DICER1: variants seen among roughly 807,000 people sequenced by gnomAD.
The protein encoded by DICER1 is dicer 1, ribonuclease III, also known as endoribonuclease Dicer.
DICER1 carries 43 observed loss-of-function variants against 194.1 expected under a neutral mutation model. The observed-to-expected ratio is 0.22, with a 90% CI of 0.17 to 0.29. DICER1 has a LOEUF of 0.29. Among genes scored for constraint, DICER1 ranks in the 10% least tolerant of loss-of-function variants. The pLI is 1.00. For missense variants in DICER1, 1,608 were observed against 2,317.0 expected, an observed-to-expected ratio of 0.69 and a Z score of 6.28; for synonymous variants, 832 against 820.5, an observed-to-expected ratio of 1.01 and a Z score of -0.24.
In DICER1 at chr14:95,096,396, T is replaced by G. The variant is rs1595340958; in HGVS notation, c.4524A>C (p.Ala1508=). Residue 1508 remains alanine, a synonymous_variant, in exon 23 of 27, where the codon GCA becomes GCC. Transcript: ENST00000343455. ...FEDFDYSSWD[A]MCYLDPSKAV... is the part of the protein sequence containing the mutation. ...CTTTGCTAGGATCCAGATAGCACAT[T>G]GCATCCCAAGAGCTGTAGTCAAAAT... 6.2e-7 allele frequency: 1 copy of G among 1,614,096 alleles called. No individual in the cohort carries two copies. Among genetic ancestry groups the G allele is most frequent in the Non-Finnish European group, 8.5e-7 (1 of 1,180,036 alleles).
At chr14:95,150,593 T>C (rs1895449054) in intron 1 of DICER1, among the ~76,000 whole-genome samples, 1 of 152,236 alleles carries the variant, frequency 6.6e-6, no homozygotes, top group Admixed American at 6.5e-5. Context: ...GTCACCATTT[T>C]TAACCATCAC....
At chr14:95,141,616 T>C (rs1894834118) in intron 1 of DICER1, 1 of 152,172 alleles carries the variant, frequency 6.6e-6, no homozygotes, top group Admixed American at 6.5e-5. Context: ...CACAAATTTG[T>C]TTTGCTAAGA....
chr14:95,096,755 C>T, intron 22 of DICER1, 42 bp from the exon 23 acceptor site: 1 of 1,555,628 alleles, frequency 6.4e-7, no homozygotes, highest in Non-Finnish European at 8.7e-7. Flanking sequence ...AACATAGCTG[C>T]TGTTTTTAAA....
At chr14:95,134,014 T>C (rs1169858566) in intron 1 of DICER1, among the ~76,000 whole-genome samples, 2 of 152,152 alleles carry the variant, frequency 1.3e-5, no homozygotes, top group Admixed American at 6.5e-5. Flanking sequence ...ATTTTGAACA[T>C]TCTTTGTATA....
intron 14 of DICER1, among the ~76,000 whole-genome samples, chr14:95,109,632 AATGGGTAAC>A (rs1891776482): frequency 6.6e-6 from 1 of 152,256 alleles, no homozygotes; most frequent in Non-Finnish European, 1.5e-5. Flanking sequence ...ATTTTGGGAA[AATGGGTAAC>A]ATTCATGATT....
Position 95,096,033 on chromosome 14 carries a change from T to A in DICER1, c.4887A>T (p.Ser1629=), listed in dbSNP as rs1555367579. 2 of 1,614,234 alleles carry A rather than the reference T, an allele frequency of 1.2e-6. No homozygotes were observed. Among genetic ancestry groups the A allele is most frequent in the East Asian group, 4.5e-5 (2 of 44,892 alleles). Residue 1629 remains serine, a synonymous_variant, in exon 23 of 27, where the codon TCA becomes TCT. Coordinates refer to ENST00000343455, the MANE Select transcript of DICER1 (RefSeq NM_177438.3). ...VSCAAASVAS[S]RSSVLKDSEY... is the part of the protein sequence containing the mutation. The stretch of plus-strand genomic sequence containing the variant: ...CCGAGTCTTTCAATACAGAAGAGCG[T>A]GAACTGGCCACAGAAGCAGCAGCAC...
rs1408364307 is a variant in DICER1 at position 95,124,351 on chromosome 14, A to G, written c.1221T>C (p.Asp407=). The change falls in exon 8 of 27, where the codon GAT becomes GAC. Residue 407 remains aspartate (D), a synonymous_variant. Transcript: ENST00000343455. The surrounding 1 kb of genome is among the most constrained non-coding windows in gnomAD (Gnocchi z 4.5). ...CAGAATCACTCCATGACACATAATT[A>G]TCCTGATTTCTATTATTATACCACT... ...SVEWYNNRNQ[D]NYVSWSDSED... The G allele has an allele frequency of 1.2e-6, 2 of 1,614,018 alleles. No individual in the cohort carries two copies. The highest frequency in any genetic ancestry group is 2.2e-5 in the East Asian group (1 of 44,880).
At position 95,115,709 on chromosome 14, in the gene DICER1, C is replaced by A; in HGVS notation, c.1865G>T (p.Gly622Val). ...GGCCGTGTTGATTGTGACTCGTGGA[C>A]CACCATCGTCAGGCCTCAACACATA... Reference protein sequence around the residue: ...PPYVLRPDDGGPRVTINTAIG... With the variant: ...PPYVLRPDDGVPRVTINTAIG... Residue 622 changes from glycine to valine, a missense_variant, in exon 11 of 27, where the codon GGT (glycine) becomes GTT (valine). By Grantham distance (109) the Gly-to-Val change is moderately radical. Transcript: ENST00000343455. The A allele has an allele frequency of 6.2e-7, 1 of 1,614,060 alleles. No individual in the cohort carries two copies. The highest frequency in any genetic ancestry group is 8.5e-7 in the Non-Finnish European group (1 of 1,179,998).
intron 8 of DICER1, among the ~76,000 whole-genome samples, chr14:95,118,162 G>A (rs1311591441): frequency 6.6e-6 from 1 of 152,130 alleles, no homozygotes; most frequent in African/African-American, 2.4e-5. Flanking sequence ...AGTTCTACTA[G>A]CTCATCTCTC....
At chr14:95,100,665 G>C (rs1890795460) in intron 21 of DICER1, among the ~76,000 whole-genome samples, 1 of 152,134 alleles carries the variant, frequency 6.6e-6, no homozygotes, top group South Asian at 2.1e-4. Flanking sequence ...TGTCAAGTTA[G>C]TACTTGGAAA....
intron 8 of DICER1, among the ~76,000 whole-genome samples, chr14:95,118,210 C>G (rs987413074): frequency 6.6e-6 from 1 of 152,214 alleles, no homozygotes; most frequent in East Asian, 1.9e-4. Flanking sequence ...ACAGCTTGAG[C>G]TGCAGGCCCT....
chr14:95,137,643 T>C (rs1894507606), intron 1 of DICER1, among the ~76,000 whole-genome samples: 1 of 152,170 alleles, frequency 6.6e-6, no homozygotes, highest in South Asian at 2.1e-4. Context: ...ATTGAGATAA[T>C]GAACAAGTAC....
rs1170562259 is a variant in DICER1, at chr14:95,130,077, G to C, written c.554C>G (p.Pro185Arg). The C allele has an allele frequency of 1.2e-6, 2 of 1,613,340 alleles. No homozygotes were observed. Among genetic ancestry groups the C allele is most frequent in the Admixed American group, 1.7e-5 (1 of 60,004 alleles). ...ACTTACCTTCATAATTTCTCGATAGGGGTGGTCTAGGATTGCAAGATGACA... is the reference window on the plus strand; with the variant it reads ...ACTTACCTTCATAATTTCTCGATAGCGGTGGTCTAGGATTGCAAGATGACA... ...DECHLAILDH[P>R]YREIMKLCEN... is the part of the protein sequence containing the mutation. The change falls in exon 5 of 27, where the codon CCC becomes CGC. Residue 185 changes from proline to arginine, a missense_variant. Pro to Arg is a moderately radical substitution (Grantham distance 103, BLOSUM62 -2). This residue lies in a region of DICER1 where 657 missense variants were observed against 910.1 expected (regional missense o/e 0.72). Transcript: ENST00000343455.
chr14:95,134,245 CTG>C (rs1166185842), intron 1 of DICER1: 2 of 152,148 alleles, frequency 1.3e-5, no homozygotes, highest in African/African-American at 2.4e-5. Context: ...TGACACCACT[CTG>C]TGAAATAAAA....
chr14:95,108,146 C>T (rs1891621421), intron 15 of DICER1, 53 bp from the exon 16 acceptor site: 36 of 1,435,488 alleles, frequency 2.5e-5, no homozygotes, highest in East Asian at 6.9e-5. Flanking sequence ...TATTTTATTC[C>T]ATTACAGTTA....
chr14:95,129,723 C>T lies in DICER1; in HGVS notation c.574-91G>A, dbSNP rs933969113. 3 of 1,228,734 alleles carry T rather than the reference C, an allele frequency of 2.4e-6. No individual in the cohort carries two copies. In the African/African-American group the frequency reaches 4.5e-5, roughly 19 times the overall value. The allele number at this position is 1,228,734 out of a possible 1,614,324, so 76.1% of individuals were successfully genotyped here. On this transcript the variant is annotated intron_variant, in intron 5 of 26. Transcript: ENST00000343455. ...GCCATATTAAAACATATCAAAATCA[C>T]TAACAAATAGTAAAAAAGAATTTGT...
In DICER1 at chr14:95,099,952, T is replaced by C. The variant is rs1890732312; in HGVS notation, c.4051-17A>G. On this transcript the variant is annotated splice_polypyrimidine_tract_variant and intron_variant, in intron 21 of 26. Transcript: ENST00000343455. ...GTTGCTGACCTTTAGCAGAAAATAT[T>C]AGGATACTTATCCATAAATGATCAC... 6.2e-7 allele frequency: 1 copy of C among 1,613,716 alleles called. No individual in the cohort carries two copies. The highest frequency in any genetic ancestry group is 8.5e-7 in the Non-Finnish European group (1 of 1,179,716).
Position 95,107,685 on chromosome 14 carries a change from A to G in DICER1, c.2727T>C (p.Ile909=), listed in dbSNP as rs2140019398. The G allele has an allele frequency of 6.2e-7, 1 of 1,613,400 alleles. No individual in the cohort carries two copies. Among genetic ancestry groups the G allele is most frequent in the Non-Finnish European group, 8.5e-7 (1 of 1,179,312 alleles). The change falls in exon 17 of 27, where the codon ATT becomes ATC. Residue 909 remains isoleucine, a synonymous_variant. Transcript: ENST00000343455. ...DIEKSEARIG[I]PSTKYTKETP... ...TTTCTTTTGTATACTTTGTACTGGG[A>G]ATGCCTATGCGAGCTTCAGACTTCT...
rs746668314 is a variant in DICER1 at position 95,103,338 on chromosome 14, T to C, written c.4050+8A>G. 4.3e-5 allele frequency: 69 copies of C among 1,613,584 alleles called. No homozygotes were observed. The highest frequency in any genetic ancestry group is 3.2e-4 in the Admixed American group (19 of 59,996). The stretch of plus-strand genomic sequence containing the variant: ...TTAACTGCTCAAAATAAAAAAATCA[T>C]CTCTTACCTTTTTGCTTCTCATATA... On this transcript the variant is annotated splice_region_variant and intron_variant, in intron 21 of 26. Transcript: ENST00000343455.
Sources: gnomAD v4.1 joint callset for allele counts (sites outside exome capture counted in the v4.1 genomes callset) on GRCh38, gnomAD v4.1.1 for gene constraint, gnomAD v4.1.1 regional missense constraint, Gnocchi (gnomAD v3.1) non-coding constraint, MANE v1.5 for transcripts, NCBI Gene and HGNC (gene_info 2026-07-23, HGNC 2026-07-21) for gene names.